SHC4: variants seen among roughly 807,000 people sequenced by gnomAD.
The protein encoded by SHC4 is SHC adaptor protein 4, also known as SHC-transforming protein 4.
SHC4 carries 41 observed loss-of-function variants against 69.4 expected under a neutral mutation model. That is an observed-to-expected ratio of 0.59 (90% CI 0.46 to 0.77). The LOEUF is 0.77. SHC4 is among the 30% of genes least tolerant of loss of function. SHC4 has a pLI of 0.00. For synonymous variants in SHC4, 318 were observed against 299.3 expected (o/e 1.06, Z -0.64); for missense variants, 777 against 783.8 (o/e 0.99, Z 0.10).
rs573161643 is a variant in SHC4 at position 48,907,917 on chromosome 15, T to C, written c.656+16962A>G. On this transcript the variant is annotated intron_variant, in intron 2 of 11. Transcript: ENST00000332408. Reference sequence around the variant, plus strand: ...ACTTGTTGATTGATGGGCATTTGGGTTGGTTCCATGATTTTGCAGTTGTGC... The same window carrying C: ...ACTTGTTGATTGATGGGCATTTGGGCTGGTTCCATGATTTTGCAGTTGTGC... Among the ~76,000 whole-genome samples the C allele has an allele frequency of 2.8e-4, 42 of 151,664 alleles. 1 individual carries two copies. In the South Asian group the frequency reaches 8.7e-3, roughly 32 times the overall value.
intron 6 of SHC4, among the ~76,000 whole-genome samples, chr15:48,863,541 G>A (rs1899491229): frequency 6.6e-6 from 1 of 151,978 alleles, no homozygotes; most frequent in Non-Finnish European, 1.5e-5. Flanking sequence ...ATCTTTGTAC[G>A]TATCCTAATT....
intron 10 of SHC4, among the ~76,000 whole-genome samples, chr15:48,839,864 A>G (rs1464677680): frequency 6.6e-6 from 1 of 152,168 alleles, no homozygotes; most frequent in Non-Finnish European, 1.5e-5. Context: ...TCATCTACCA[A>G]TATCTATCCT....
chr15:48,878,578 G>A lies in SHC4; in HGVS notation c.840+5670C>T, dbSNP rs777290972. 4 of 1,613,966 alleles carry A rather than the reference G, an allele frequency of 2.5e-6. No individual in the cohort carries two copies. The Admixed American group carries it at 5.0e-5, about 20-fold the overall frequency. On this transcript the variant is annotated intron_variant, in intron 4 of 11. Transcript: ENST00000332408. ...CCGCTCTTGAAGAAGCCGACAAGAT[G>A]TTTCTGAGAACAAGAGAACCAGCCC...
intron 1 of SHC4, among the ~76,000 whole-genome samples, chr15:48,931,839 G>C (rs1900971830): frequency 6.6e-6 from 1 of 151,714 alleles, no homozygotes; most frequent in African/African-American, 2.4e-5. Flanking sequence ...TTTATGGAGA[G>C]TTAAATAATA....
intron 2 of SHC4, 96 bp downstream of exon 2, chr15:48,924,783 T>C: frequency 1.5e-6 from 2 of 1,294,028 alleles, no homozygotes; most frequent in East Asian, 4.6e-5. Context: ...TAAAAGTGCA[T>C]AATGAATTGG....
intron 1 of SHC4, among the ~76,000 whole-genome samples, chr15:48,955,339 G>T (rs1311317722): frequency 6.6e-6 from 1 of 152,170 alleles, no homozygotes; most frequent in Non-Finnish European, 1.5e-5. Flanking sequence ...GGAGCGGGGT[G>T]TGGGGCAGCC....
At chr15:48,932,558 C>T (rs1283448469) in intron 1 of SHC4, among the ~76,000 whole-genome samples, 5 of 152,176 alleles carry the variant, frequency 3.3e-5, no homozygotes, top group Non-Finnish European at 7.4e-5. Flanking sequence ...CACCATGCTT[C>T]AAAATTCAGA....
At position 48,963,298 on chromosome 15, in the gene SHC4, C is replaced by T. The variant is rs982785491; in HGVS notation, c.-283G>A. 5.3e-6 allele frequency: 2 copies of T among 375,468 alleles called. No homozygotes were observed. Among genetic ancestry groups the T allele is most frequent in the Non-Finnish European group, 9.6e-6 (2 of 209,078 alleles). 23.3% of individuals were successfully genotyped at this position (375,468 alleles called of 1,614,324 possible). A position where few individuals can be genotyped will look rare whatever the true frequency, so the allele number is the denominator to read the frequency against. On this transcript the variant is annotated 5_prime_UTR_variant, in exon 1 of 12. Coordinates refer to ENST00000332408, the MANE Select transcript of SHC4 (RefSeq NM_203349.4). ...GTCGGGAGAGCCTAGACCCAGGCTC[C>T]CGGCGGCGCGGGTCGCTCACGGCCA...
rs185506972 is a variant in SHC4 at position 48,963,061 on chromosome 15, G to A, written c.-46C>T. 3.2e-6 allele frequency: 5 copies of A among 1,540,902 alleles called. No individual in the cohort carries two copies. Among genetic ancestry groups the A allele is most frequent in the Non-Finnish European group, 4.4e-6 (5 of 1,140,926 alleles). ...AGGATACTGTTGCATAAATCGCCTC[G>A]TCGTCTGGTAGATAAACGGTGCAGA... On this transcript the variant is annotated 5_prime_UTR_variant, in exon 1 of 12. It adds an upstream start codon to the 5' untranslated region. Coordinates refer to ENST00000332408, the MANE Select transcript of SHC4 (RefSeq NM_203349.4).
intron 2 of SHC4, among the ~76,000 whole-genome samples, chr15:48,907,595 G>C (rs1900429147): frequency 6.6e-6 from 1 of 150,920 alleles, no homozygotes; most frequent in Non-Finnish European, 1.5e-5. Context: ...AAAGTCCATT[G>C]CATCATTCTC....
chr15:48,901,059 C>T (rs958274841), intron 2 of SHC4, among the ~76,000 whole-genome samples: 3 of 152,220 alleles, frequency 2.0e-5, no homozygotes, highest in Non-Finnish European at 4.4e-5. Flanking sequence ...GCCAGTAACA[C>T]TTATGGACAC....
At chr15:48,893,220 G>C (rs1192977349) in intron 2 of SHC4, among the ~76,000 whole-genome samples, 2 of 152,152 alleles carry the variant, frequency 1.3e-5, no homozygotes, top group Admixed American at 6.5e-5. Context: ...ATTCTAGACA[G>C]ACAGAAGAAC....
chr15:48,963,142 T>C lies in SHC4; in HGVS notation c.-127A>G. The C allele has an allele frequency of 2.0e-6, 2 of 1,014,760 alleles. No individual in the cohort carries two copies. The highest frequency in any genetic ancestry group is 2.8e-6 in the Non-Finnish European group (2 of 706,900). The allele number at this position is 1,014,760 out of a possible 1,614,324, so 62.9% of individuals were successfully genotyped here. A position where few individuals can be genotyped will look rare whatever the true frequency, so the allele number is the denominator to read the frequency against. The stretch of plus-strand genomic sequence containing the variant: ...ACAGCAGCCACCTCTCCAACTCTGC[T>C]CTCGAGCTCGCCCACCTCGGCTCCC... On this transcript the variant is annotated 5_prime_UTR_variant, in exon 1 of 12. Coordinates refer to ENST00000332408, the MANE Select transcript of SHC4 (RefSeq NM_203349.4).
chr15:48,878,319 G>C (rs774881936), intron 4 of SHC4: 4 of 1,613,516 alleles, frequency 2.5e-6, no homozygotes, highest in Non-Finnish European at 3.4e-6. Context: ...TCCCGCAGCG[G>C]GGCCCAACAG....
At chr15:48,931,944 A>G (rs1159140999) in intron 1 of SHC4, among the ~76,000 whole-genome samples, 1 of 151,888 alleles carries the variant, frequency 6.6e-6, no homozygotes, top group Non-Finnish European at 1.5e-5. Context: ...CTCTCCATAA[A>G]TGCAAACAGA....
intron 10 of SHC4, among the ~76,000 whole-genome samples, chr15:48,837,793 C>T (rs1008322471): frequency 4.6e-5 from 7 of 152,050 alleles, no homozygotes; most frequent in Non-Finnish European, 1.0e-4. Context: ...ATAGATATGG[C>T]TATCCACACC....
chr15:48,847,468 C>T (rs933912062), intron 9 of SHC4, among the ~76,000 whole-genome samples: 2 of 152,034 alleles, frequency 1.3e-5, no homozygotes, highest in Non-Finnish European at 2.9e-5. Context: ...GTGATAAATA[C>T]AATTAACTCT....
intron 6 of SHC4, among the ~76,000 whole-genome samples, chr15:48,864,585 C>A (rs1362921596): frequency 6.6e-6 from 1 of 151,412 alleles, no homozygotes; most frequent in East Asian, 1.9e-4. Flanking sequence ...GTAGCTGGGA[C>A]TACAGGTGCC....
chr15:48,868,868 C>G (rs1376776680), intron 5 of SHC4, among the ~76,000 whole-genome samples: 1 of 152,200 alleles, frequency 6.6e-6, no homozygotes, highest in East Asian at 1.9e-4. Context: ...TAAATATCCT[C>G]TAAATAAATA....
Sources: gnomAD v4.1 joint callset for allele counts (sites outside exome capture counted in the v4.1 genomes callset) on GRCh38, gnomAD v4.1.1 for gene constraint, MANE v1.5 for transcripts, NCBI Gene and HGNC (gene_info 2026-07-23, HGNC 2026-07-21) for gene names.